The following ZMIZ2 variants were observed in gnomAD, a reference collection of about 807,000 sequenced individuals.
ZMIZ2 encodes zinc finger MIZ domain-containing protein 2.
A neutral mutation model predicts 93.9 loss-of-function variants in ZMIZ2; 26 were observed. The ratio of observed to expected loss-of-function variants is 0.28; its 90% CI spans 0.20 to 0.38. The LOEUF is 0.38. Ranked by LOEUF, ZMIZ2 falls within the 10% of genes least tolerant of loss-of-function variation. The pLI is 1.00. For synonymous variants in ZMIZ2, 485 were observed against 516.4 expected (o/e 0.94, Z 0.82); for missense variants, 1,023 against 1,235.0 (o/e 0.83, Z 2.57).
Position 44,757,548 on chromosome 7 carries a change from G to A in ZMIZ2, c.539G>A (p.Ser180Asn). Residue 180 changes from serine to asparagine, a missense_variant, in exon 5 of 19, where the codon AGC becomes AAC. This residue lies in a region of ZMIZ2 where 656 missense variants were observed against 777.1 expected (regional missense o/e 0.84). Transcript: ENST00000309315. ...ALQEKQSQEL[S>N]QYGAMGAGQS... ...CAGGAGAAGCAGAGCCAGGAGCTGAGCCAGTATGGAGCGGTGAGCCCCCTC... is the reference window on the plus strand; with the variant it reads ...CAGGAGAAGCAGAGCCAGGAGCTGAACCAGTATGGAGCGGTGAGCCCCCTC... The A allele has an allele frequency of 6.2e-7, 1 of 1,605,732 alleles. No individual in the cohort carries two copies. Among genetic ancestry groups the A allele is most frequent in the Non-Finnish European group, 8.5e-7 (1 of 1,176,234 alleles).
At position 44,765,498 on chromosome 7, in the gene ZMIZ2, G is replaced by A. The variant is rs1180080188; in HGVS notation, c.2161G>A (p.Ala721Thr). 10 of 1,599,102 alleles carry A rather than the reference G, an allele frequency of 6.3e-6. No individual in the cohort carries two copies. Among genetic ancestry groups the A allele is most frequent in the East Asian group, 2.2e-5 (1 of 44,828 alleles). ...VLMPSVMEMI[A>T]ALGPGAAPFA... ...CATGCCCAGCGTGATGGAGATGATC[G>A]CCGCCCTGGGCCCCGGCGCTGCCCC... is the stretch of plus-strand genomic sequence containing the variant. The change falls in exon 16 of 19, where the codon GCC (alanine) becomes ACC (threonine). Residue 721 changes from alanine to threonine, a missense_variant. This residue lies in a region of ZMIZ2 where 319 missense variants were observed against 358.8 expected (regional missense o/e 0.89). Transcript: ENST00000309315. This position sits in a 1 kb window ranked among gnomAD's most constrained non-coding sequence, Gnocchi z 4.1.
chr7:44,756,138 G>T, intron 1 of ZMIZ2, 50 bp from the exon 2 acceptor site: 2 of 1,493,070 alleles, frequency 1.3e-6, no homozygotes, highest in African/African-American at 1.4e-5. Flanking sequence ...CCTGCTGAAA[G>T]GGTCTCCTGG....
intron 1 of ZMIZ2, among the ~76,000 whole-genome samples, chr7:44,752,242 C>T (rs1790219644): frequency 6.6e-6 from 1 of 152,020 alleles, no homozygotes; most frequent in South Asian, 2.1e-4. Context: ...ATTCTCCTGC[C>T]TCAGCCTCCT....
At position 44,757,060 on chromosome 7, in the gene ZMIZ2, G is replaced by A. The variant is rs200981133; in HGVS notation, c.279G>A (p.Ala93=). 5.2e-5 allele frequency: 83 copies of A among 1,608,930 alleles called. No individual in the cohort carries two copies. Among genetic ancestry groups the A allele is most frequent in the Admixed American group, 1.0e-4 (6 of 58,510 alleles). The part of the protein sequence containing the change: ...LTSPQCLGQQ[A]FAEGGANKGY... ...CCCCACAGTGCCTGGGACAGCAGGCGTTTGCTGAAGGCGGCGCCAACAAGG... is the reference window on the plus strand; with the variant it reads ...CCCCACAGTGCCTGGGACAGCAGGCATTTGCTGAAGGCGGCGCCAACAAGG... Residue 93 remains alanine (A), a synonymous_variant, in exon 4 of 19, where the codon GCG becomes GCA. Transcript: ENST00000309315.
chr7:44,751,271 C>G (rs138929718), intron 1 of ZMIZ2, among the ~76,000 whole-genome samples: 18 of 152,380 alleles, frequency 1.2e-4, no homozygotes, highest in Admixed American at 9.1e-4. Context: ...GGTTCTCAAA[C>G]TACAGTTCCT....
chr7:44,766,482 C>T lies in ZMIZ2; in HGVS notation c.2474C>T (p.Ser825Phe). Reference protein sequence around the residue: ...HNPGTPGLHTSNLGAPPGPQL... With the variant: ...HNPGTPGLHTFNLGAPPGPQL... ...CCTGGGACACCAGGACTACACACCT[C>T]CAACCTTGGGGCCCCTCCAGGTCCC... The change falls in exon 18 of 19, where the codon TCC becomes TTC. Residue 825 changes from serine to phenylalanine, a missense_variant. Transcript: ENST00000309315. The surrounding 1 kb of genome is among the most constrained non-coding windows in gnomAD (Gnocchi z 4.4). 6.2e-7 allele frequency: 1 copy of T among 1,614,212 alleles called. No homozygotes were observed. The highest frequency in any genetic ancestry group is 8.5e-7 in the Non-Finnish European group (1 of 1,180,044).
Position 44,765,818 on chromosome 7 carries a change from C to T in ZMIZ2, c.2242+239C>T. 9.5e-7 allele frequency: 1 copy of T among 1,050,576 alleles called. No homozygotes were observed. Among genetic ancestry groups the T allele is most frequent in the East Asian group, 2.7e-5 (1 of 37,608 alleles). The allele number at this position is 1,050,576 out of a possible 1,614,324, so 65.1% of individuals were successfully genotyped here. On this transcript the variant is annotated intron_variant, in intron 16 of 18. Coordinates refer to ENST00000309315, the MANE Select transcript of ZMIZ2 (RefSeq NM_031449.4). The surrounding 1 kb of genome is among the most constrained non-coding windows in gnomAD (Gnocchi z 4.1). ...ACAGACAGTGGGGCCTCCACCCTTCCTTCCCCGTTTGGATTAAGGGGCTCC... is the reference window on the plus strand; with the variant it reads ...ACAGACAGTGGGGCCTCCACCCTTCTTTCCCCGTTTGGATTAAGGGGCTCC...
chr7:44,760,190 G>A lies in ZMIZ2; in HGVS notation c.1033G>A (p.Gly345Arg), dbSNP rs201980499. 24 of 1,613,652 alleles carry A rather than the reference G, an allele frequency of 1.5e-5. No homozygotes were observed. Among genetic ancestry groups the A allele is most frequent in the African/African-American group, 8.0e-5 (6 of 75,004 alleles). The change falls in exon 8 of 19, where the codon GGG becomes AGG. Residue 345 changes from glycine to arginine, a missense_variant. This residue lies in a region of ZMIZ2 where 656 missense variants were observed against 777.1 expected (regional missense o/e 0.84). Coordinates refer to ENST00000309315, the MANE Select transcript of ZMIZ2 (RefSeq NM_031449.4). ...CAACGGGCAGGGCGCCAGCTTCAAC[G>A]GGGGCAGCGTCAGCTACAGCCAACC... Reference protein sequence around the residue: ...QFNGQGASFNGGSVSYSQPGL... With the variant: ...QFNGQGASFNRGSVSYSQPGL...
Position 44,761,795 on chromosome 7 carries a change from C to G in ZMIZ2, c.1486C>G (p.Leu496Val), listed in dbSNP as rs1179731559. The G allele has an allele frequency of 1.2e-6, 2 of 1,613,846 alleles. No individual in the cohort carries two copies. The highest frequency in any genetic ancestry group is 1.7e-6 in the Non-Finnish European group (2 of 1,180,036). ...GCAGGTCAGCGTCAATGCCACGCCG[C>G]TCACCATCGAGCGTGGCGACAACAA... ...SVQVSVNATPLTIERGDNKTS... is the reference protein window; with the variant it reads ...SVQVSVNATPVTIERGDNKTS... The change falls in exon 11 of 19, where the codon CTC (leucine) becomes GTC (valine). Residue 496 changes from leucine to valine, a missense_variant. Coordinates refer to ENST00000309315, the MANE Select transcript of ZMIZ2 (RefSeq NM_031449.4). This position sits in a 1 kb window ranked among gnomAD's most constrained non-coding sequence, Gnocchi z 5.8.
Position 44,765,544 on chromosome 7 carries a change from C to A in ZMIZ2, c.2207C>A (p.Pro736His). 6.5e-7 allele frequency: 1 copy of A among 1,529,576 alleles called. No individual in the cohort carries two copies. Among genetic ancestry groups the A allele is most frequent in the African/African-American group, 1.4e-5 (1 of 72,718 alleles). 94.8% of individuals were successfully genotyped at this position (1,529,576 alleles called of 1,614,324 possible). A position where few individuals can be genotyped will look rare whatever the true frequency, so the allele number is the denominator to read the frequency against. Residue 736 changes from proline (P) to histidine (H), a missense_variant, in exon 16 of 19, where the codon CCC becomes CAC. Around this residue, in one of 3 missense-constraint regions of ZMIZ2, gnomAD observed 319 missense variants for 358.8 expected, o/e 0.89. Transcript: ENST00000309315. This position sits in a 1 kb window ranked among gnomAD's most constrained non-coding sequence, Gnocchi z 4.1. Reference sequence around the variant, plus strand: ...GCCCCCTTTGCCCCCCTGCAGCCCCCCTCAGTCCCTGCCCCCAGCGACTAC... The same window carrying A: ...GCCCCCTTTGCCCCCCTGCAGCCCCACTCAGTCCCTGCCCCCAGCGACTAC... The part of the protein sequence containing the change: ...GAAPFAPLQP[P>H]SVPAPSDYPG...
At chr7:44,748,689 C>G (rs1416019031), upstream of ZMIZ2, 1 of 151,072 alleles carries the variant, frequency 6.6e-6, no homozygotes, top group Non-Finnish European at 1.5e-5. Flanking sequence ...GCCCGCCCAG[C>G]CACCTGCGGC....
Position 44,765,264 on chromosome 7 carries a change from C to T in ZMIZ2, c.1998-71C>T, listed in dbSNP as rs1252964660. On this transcript the variant is annotated intron_variant, in intron 15 of 18. Transcript: ENST00000309315. The surrounding 1 kb of genome is among the most constrained non-coding windows in gnomAD (Gnocchi z 4.1). ...GAACCTGCCTGGAAACAGCCCAGGGCTGGGAGGGGCAGTGGGTGCCGGGCC... is the reference window on the plus strand; with the variant it reads ...GAACCTGCCTGGAAACAGCCCAGGGTTGGGAGGGGCAGTGGGTGCCGGGCC... 1.3e-6 allele frequency: 2 copies of T among 1,590,914 alleles called. No homozygotes were observed. The highest frequency in any genetic ancestry group is 1.7e-6 in the Non-Finnish European group (2 of 1,168,084).
chr7:44,761,657 G>A lies in ZMIZ2; in HGVS notation c.1386-38G>A, dbSNP rs751080070. The A allele has an allele frequency of 3.0e-5, 49 of 1,613,394 alleles. No homozygotes were observed. Among genetic ancestry groups the A allele is most frequent in the Non-Finnish European group, 1.7e-6 (2 of 1,179,724 alleles). ...TCTGTTCCTCCTCCCACACTCTCAGGGCCCGTTTTCTGGGTGTCCACCCAT... is the reference window on the plus strand; with the variant it reads ...TCTGTTCCTCCTCCCACACTCTCAGAGCCCGTTTTCTGGGTGTCCACCCAT... On this transcript the variant is annotated intron_variant, in intron 10 of 18. Transcript: ENST00000309315. The surrounding 1 kb of genome is among the most constrained non-coding windows in gnomAD (Gnocchi z 5.8).
chr7:44,759,843 G>C (rs1790987761), intron 7 of ZMIZ2: 1 of 493,302 alleles, frequency 2.0e-6, no homozygotes, highest in South Asian at 2.5e-5. Flanking sequence ...CCTCGCTGCT[G>C]GCCATGTACC....
intron 2 of ZMIZ2, 45 bp downstream of exon 2, chr7:44,756,344 G>A: frequency 1.2e-6 from 2 of 1,613,992 alleles, no homozygotes; most frequent in Non-Finnish European, 1.7e-6. Context: ...CTGGGGTTGG[G>A]GGTGGCATTT....
chr7:44,768,029 C>T lies in ZMIZ2; in HGVS notation c.*406C>T. The T allele has an allele frequency of 3.7e-6, 1 of 267,200 alleles. No homozygotes were observed. The allele number at this position is 267,200 out of a possible 1,614,324, so 16.6% of individuals were successfully genotyped here. Reference sequence around the variant, plus strand: ...TGATCCTTCTGTTTCAACAACTCCTCCACTGGGCAGAGCTGGGCATCTGGC... The same window carrying T: ...TGATCCTTCTGTTTCAACAACTCCTTCACTGGGCAGAGCTGGGCATCTGGC... On this transcript the variant is annotated 3_prime_UTR_variant, in exon 19 of 19. Coordinates refer to ENST00000309315, the MANE Select transcript of ZMIZ2 (RefSeq NM_031449.4).
chr7:44,753,405 C>T (rs1386053712), intron 1 of ZMIZ2, among the ~76,000 whole-genome samples: 1 of 152,038 alleles, frequency 6.6e-6, no homozygotes, highest in Non-Finnish European at 1.5e-5. Flanking sequence ...CCACCACGCC[C>T]AGCTAATTTT....
chr7:44,761,348 C>T lies in ZMIZ2; in HGVS notation c.1241-101C>T. 3.3e-6 allele frequency: 5 copies of T among 1,525,326 alleles called. No individual in the cohort carries two copies. Among genetic ancestry groups the T allele is most frequent in the Admixed American group, 2.0e-5 (1 of 50,606 alleles). 94.5% of individuals were successfully genotyped at this position (1,525,326 alleles called of 1,614,324 possible). On this transcript the variant is annotated intron_variant, in intron 9 of 18. Transcript: ENST00000309315. This position sits in a 1 kb window ranked among gnomAD's most constrained non-coding sequence, Gnocchi z 5.8. ...CAGGAGGGGCTCCCTTCACCAAGGTCCCTGCGGGGAAGGTGGCTGGGGAGC... is the reference window on the plus strand; with the variant it reads ...CAGGAGGGGCTCCCTTCACCAAGGTTCCTGCGGGGAAGGTGGCTGGGGAGC...
At position 44,763,538 on chromosome 7, in the gene ZMIZ2, A is replaced by G; in HGVS notation, c.1860+125A>G. ...GCCTTGGCTGTCAGGCTGACAGGAC[A>G]GGCCTCCCACGCCAAGGAGGCAGGT... On this transcript the variant is annotated intron_variant, in intron 13 of 18. Transcript: ENST00000309315. This position sits in a 1 kb window ranked among gnomAD's most constrained non-coding sequence, Gnocchi z 5.6. 2 of 1,373,882 alleles carry G rather than the reference A, an allele frequency of 1.5e-6. No individual in the cohort carries two copies. Among genetic ancestry groups the G allele is most frequent in the East Asian group, 2.4e-5 (1 of 41,116 alleles). 85.1% of individuals were successfully genotyped at this position (1,373,882 alleles called of 1,614,324 possible). A position where few individuals can be genotyped will look rare whatever the true frequency, so the allele number is the denominator to read the frequency against.
Sources: gnomAD v4.1 joint callset for allele counts (sites outside exome capture counted in the v4.1 genomes callset) on GRCh38, gnomAD v4.1.1 for gene constraint, gnomAD v4.1.1 regional missense constraint, Gnocchi (gnomAD v3.1) non-coding constraint, MANE v1.5 for transcripts, NCBI Gene and HGNC (gene_info 2026-07-23, HGNC 2026-07-21) for gene names.